TMEM234: variants seen among roughly 807,000 people sequenced by gnomAD.
TMEM234 encodes transmembrane protein 234.
A neutral mutation model predicts 17.8 loss-of-function variants in TMEM234; 21 were observed. The observed-to-expected ratio is 1.18, with a 90% CI of 0.84 to 1.70. The LOEUF (loss-of-function observed/expected upper bound fraction) is 1.70. TMEM234 is among the 40% of genes most tolerant of loss of function. The probability of loss-of-function intolerance (pLI) is 0.00; values close to 1 mark genes in which losing one functional copy is unlikely to be tolerated. For missense variants in TMEM234, 137 were observed against 166.9 expected (o/e 0.82, Z 0.99); for synonymous variants, 83 against 73.5 (o/e 1.13, Z -0.66).
downstream of TMEM234, chr1:32,214,709 G>A (rs1569775381): frequency 2.0e-5 from 31 of 1,562,790 alleles, no homozygotes; most frequent in East Asian, 4.5e-5. Context: ...TCCTGCAGGC[G>A]TCAGGGGCTC....
chr1:32,221,075 T>A, intron 3 of TMEM234, 56 bp downstream of exon 3: 30 of 1,397,186 alleles, frequency 2.1e-5, no homozygotes, highest in African/African-American at 2.8e-5. Flanking sequence ...CCCCCCCCAA[T>A]CACTCTTCCA....
downstream of TMEM234, chr1:32,215,451 G>C: frequency 6.2e-7 from 1 of 1,612,692 alleles, no homozygotes; most frequent in Non-Finnish European, 8.5e-7. Flanking sequence ...AGTTATAGGA[G>C]TATATGGAGC....
chr1:32,216,032 C>T, downstream of TMEM234: 1 of 799,488 alleles, frequency 1.3e-6, no homozygotes, highest in Non-Finnish European at 2.0e-6. Context: ...CTCAGCCCTC[C>T]CCGTTCTCCT....
downstream of TMEM234, chr1:32,215,710 C>A: frequency 8.3e-7 from 1 of 1,200,524 alleles, no homozygotes; most frequent in Non-Finnish European, 1.2e-6. Flanking sequence ...TTTCCAGTTT[C>A]TTCCTTCCTT....
downstream of TMEM234, chr1:32,214,713 GGGGCTCTCT>G (rs1183959530): frequency 3.6e-5 from 57 of 1,574,420 alleles, no homozygotes; most frequent in Non-Finnish European, 4.8e-5. Flanking sequence ...GCAGGCGTCA[GGGGCTCTCT>G]GAAGCCTGAA....
At chr1:32,214,806 C>T, downstream of TMEM234, 1 of 1,613,956 alleles carries the variant, frequency 6.2e-7, no homozygotes, top group Admixed American at 1.7e-5. Flanking sequence ...GGCCCAAGGC[C>T]ACAGGGCCCA....
downstream of TMEM234, chr1:32,215,311 A>G: frequency 1.3e-6 from 1 of 770,380 alleles, no homozygotes; most frequent in Non-Finnish European, 2.1e-6. Flanking sequence ...CTTCCTTGCC[A>G]TCCTGGGAGG....
chr1:32,216,187 T>C, downstream of TMEM234: 1 of 835,128 alleles, frequency 1.2e-6, no homozygotes. Flanking sequence ...AAAGAATACT[T>C]ACTAACCTCT....
rs1638394915 is a variant in TMEM234 at position 32,216,464 on chromosome 1, C to T, written c.*389G>A. ...AGGCCTCCCGTTTGCATTTCTGGCT[C>T]AAAGTCTGCAGCTGGCCCTTTCCAT... On this transcript the variant is annotated 3_prime_UTR_variant, in exon 5 of 5. Transcript: ENST00000309777. 1 of 1,551,728 alleles carries T rather than the reference C, an allele frequency of 6.4e-7. No homozygotes were observed. The highest frequency in any genetic ancestry group is 2.0e-5 in the Admixed American group (1 of 50,994).
At chr1:32,214,890 A>G, downstream of TMEM234, 1 of 1,613,938 alleles carries the variant, frequency 6.2e-7, no homozygotes, top group South Asian at 1.1e-5. Context: ...CCAGCAGACC[A>G]TTCAGCCAAG....
chr1:32,220,758 C>T (rs1287076174), intron 3 of TMEM234, among the ~76,000 whole-genome samples: 1 of 152,142 alleles, frequency 6.6e-6, no homozygotes, highest in Non-Finnish European at 1.5e-5. Context: ...ATTTAATCCT[C>T]ACAATGCTAT....
downstream of TMEM234, chr1:32,215,591 G>C: frequency 6.4e-7 from 1 of 1,568,894 alleles, no homozygotes; most frequent in Non-Finnish European, 8.7e-7. Flanking sequence ...GAGGAGCTCT[G>C]AGCTGGAAAC....
intron 3 of TMEM234, among the ~76,000 whole-genome samples, chr1:32,218,616 A>G (rs1469548001): frequency 6.6e-6 from 1 of 151,974 alleles, no homozygotes; most frequent in Non-Finnish European, 1.5e-5. Flanking sequence ...CAGCGTGACC[A>G]ACATGGAGAA....
chr1:32,216,250 G>GATC lies in TMEM234; in HGVS notation c.*602_*603insGAT. ...GCTACTACTCGCCAGGTGTGCTGGAGTCAGGTGGGGCTGGGGCTCACAGCT... is the reference window on the plus strand; with the variant it reads ...GCTACTACTCGCCAGGTGTGCTGGAGATCTCAGGTGGGGCTGGGGCTCACAGCT... On this transcript the variant is annotated 3_prime_UTR_variant, in exon 5 of 5. Transcript: ENST00000309777. The GATC allele has an allele frequency of 7.3e-7, 1 of 1,376,968 alleles. No individual in the cohort carries two copies. Among genetic ancestry groups the GATC allele is most frequent in the South Asian group, 1.4e-5 (1 of 69,536 alleles). The allele number at this position is 1,376,968 out of a possible 1,614,324, so 85.3% of individuals were successfully genotyped here.
chr1:32,221,176 T>C lies in TMEM234; in HGVS notation c.190A>G (p.Asn64Asp). The C allele has an allele frequency of 6.2e-7, 1 of 1,613,710 alleles. No individual in the cohort carries two copies. The highest frequency in any genetic ancestry group is 1.1e-5 in the South Asian group (1 of 90,916). The change falls in exon 3 of 5, where the codon AAC (asparagine) becomes GAC (aspartate). Residue 64 changes from asparagine to aspartate, a missense_variant. Coordinates refer to ENST00000309777, the MANE Select transcript of TMEM234 (RefSeq NM_019118.5). ...TAATAGAGAAGGGATCCACACTGGT[T>C]GAGGAGAAAGGGCATCAGGTACTGG... ...NTEYLMPFLLNQCGSLLYYLT... is the reference protein window; with the variant it reads ...NTEYLMPFLLDQCGSLLYYLT...
chr1:32,216,695 G>C lies in TMEM234; in HGVS notation c.*158C>G, dbSNP rs1157340377. On this transcript the variant is annotated 3_prime_UTR_variant, in exon 5 of 5. Transcript: ENST00000309777. ...AAGGTTACAAAACTCTTTCACTCTT[G>C]TTCTCTTATTGTGATCCATGAGGTA... is the stretch of plus-strand genomic sequence containing the variant. 1.3e-6 allele frequency: 2 copies of C among 1,494,240 alleles called. No individual in the cohort carries two copies. The highest frequency in any genetic ancestry group is 1.8e-6 in the Non-Finnish European group (2 of 1,117,596). 92.6% of individuals were successfully genotyped at this position (1,494,240 alleles called of 1,614,324 possible).
chr1:32,216,219 T>C lies in TMEM234; in HGVS notation c.*634A>G. 2 of 1,050,370 alleles carry C rather than the reference T, an allele frequency of 1.9e-6. No homozygotes were observed. The highest frequency in any genetic ancestry group is 2.1e-4 in the Middle Eastern group (1 of 4,776). The allele number at this position is 1,050,370 out of a possible 1,614,324, so 65.1% of individuals were successfully genotyped here. ...CTCTTGTCTGTTTACCATAGATTTA[T>C]TGACAGCTACTACTCGCCAGGTGTG... On this transcript the variant is annotated 3_prime_UTR_variant, in exon 5 of 5. Transcript: ENST00000309777.
chr1:32,220,446 G>T (rs565827871), intron 3 of TMEM234, among the ~76,000 whole-genome samples: 2 of 152,266 alleles, frequency 1.3e-5, no homozygotes, highest in Non-Finnish European at 2.9e-5. Context: ...CAAAGTGCTG[G>T]GATTACAGGC....
chr1:32,221,509 T>C (rs1244639261), intron 2 of TMEM234, among the ~76,000 whole-genome samples: 1 of 152,164 alleles, frequency 6.6e-6, no homozygotes, highest in Non-Finnish European at 1.5e-5. Context: ...ACTCCTCCCC[T>C]GCAGGGCCAA....
Sources: allele counts gnomAD v4.1 joint callset (sites outside exome capture counted in the v4.1 genomes callset), GRCh38; gene constraint gnomAD v4.1.1; transcripts MANE v1.5; gene names NCBI Gene and HGNC (gene_info 2026-07-23, HGNC 2026-07-21).